AGBL4: variants seen among roughly 807,000 people sequenced by gnomAD.
AGBL4 encodes AGBL carboxypeptidase 4.
Under a neutral mutation model 66.4 loss-of-function variants are expected in AGBL4, and 58 were observed. That is an observed-to-expected ratio of 0.87 (90% CI 0.71 to 1.09). AGBL4 has a LOEUF of 1.09. AGBL4 is among the 50% of genes least tolerant of loss of function. The probability of loss-of-function intolerance (pLI) is 0.00; values close to 1 mark genes in which losing one functional copy is unlikely to be tolerated. For missense variants in AGBL4, 579 were observed against 631.0 expected (o/e 0.92, Z 0.88); for synonymous variants, 234 against 222.9 (o/e 1.05, Z -0.44).
Position 49,697,393 on chromosome 1 carries a change from G to C in AGBL4, c.202C>G (p.Leu68Val), listed in dbSNP as rs1308995411. 3.9e-6 allele frequency: 6 copies of C among 1,540,988 alleles called. No individual in the cohort carries two copies. The highest frequency in any genetic ancestry group is 5.3e-6 in the Non-Finnish European group (6 of 1,138,606). Residue 68 changes from leucine (L) to valine (V), a missense_variant, in exon 3 of 14, where the codon CTG becomes GTG. Physicochemically the swap from Leu to Val is conservative, Grantham distance 32 (BLOSUM62 1). Transcript: ENST00000371839. ...VDQVSEFEYD[L>V]FIRPDTCNPR... ...TTACAGGTGTCCGGCCTAATGAACAGATCATACTCAAACTCAGAGACCTGG... is the reference window on the plus strand; with the variant it reads ...TTACAGGTGTCCGGCCTAATGAACACATCATACTCAAACTCAGAGACCTGG...
intron 4 of AGBL4, among the ~76,000 whole-genome samples, chr1:49,199,440 C>T (rs1221114715): frequency 6.6e-6 from 1 of 152,158 alleles, no homozygotes; most frequent in Non-Finnish European, 1.5e-5. Flanking sequence ...AAAGGGGCAT[C>T]AGAAATTATT....
At chr1:49,739,116 G>T (rs1179824863) in intron 2 of AGBL4, among the ~76,000 whole-genome samples, 2 of 152,178 alleles carry the variant, frequency 1.3e-5, no homozygotes, top group Non-Finnish European at 2.9e-5. Flanking sequence ...TGAGCTAAAG[G>T]AGGAAGTTCA....
chr1:49,159,295 A>C (rs1482885378), intron 4 of AGBL4, among the ~76,000 whole-genome samples: 1 of 152,018 alleles, frequency 6.6e-6, no homozygotes, highest in African/African-American at 2.4e-5. Flanking sequence ...TTGTCTGTAA[A>C]GGATTTTATT....
intron 2 of AGBL4, among the ~76,000 whole-genome samples, chr1:49,734,152 G>A (rs1458124229): frequency 6.6e-6 from 1 of 151,922 alleles, no homozygotes; most frequent in Admixed American, 6.6e-5. Flanking sequence ...TGTATATGTG[G>A]GCTACAGCTA....
chr1:49,954,984 C>G (rs1656472748), intron 1 of AGBL4, among the ~76,000 whole-genome samples: 1 of 151,704 alleles, frequency 6.6e-6, no homozygotes, highest in South Asian at 2.1e-4. Flanking sequence ...AAATGAGACC[C>G]AATTCTCATC....
At chr1:49,497,416 G>C in intron 3 of AGBL4, among the ~76,000 whole-genome samples, 1 of 151,620 alleles carries the variant, frequency 6.6e-6, no homozygotes, top group East Asian at 1.9e-4. Flanking sequence ...TGTGTTTTGG[G>C]GTCATATCCA....
intron 9 of AGBL4, among the ~76,000 whole-genome samples, chr1:48,597,356 G>T (rs1645008479): frequency 6.6e-6 from 1 of 152,140 alleles, no homozygotes; most frequent in Non-Finnish European, 1.5e-5. Flanking sequence ...TAACACCCAG[G>T]TGGGGTTTAC....
intron 3 of AGBL4, among the ~76,000 whole-genome samples, chr1:49,276,862 A>G (rs1644178430): frequency 6.6e-6 from 1 of 152,142 alleles, no homozygotes; most frequent in Non-Finnish European, 1.5e-5. Context: ...ATTTTTCCCC[A>G]TGTGCACATT....
At chr1:49,440,683 T>C (rs1646008111) in intron 3 of AGBL4, among the ~76,000 whole-genome samples, 1 of 152,100 alleles carries the variant, frequency 6.6e-6, no homozygotes, top group African/African-American at 2.4e-5. Flanking sequence ...TCTTATATCC[T>C]CTAGAGAAAG....
intron 3 of AGBL4, among the ~76,000 whole-genome samples, chr1:49,283,261 A>G (rs1158096931): frequency 1.3e-5 from 2 of 152,178 alleles, no homozygotes. Flanking sequence ...GCAGGGGCAC[A>G]CTGACACCTC....
rs115521145 is a variant in AGBL4 at position 48,952,418 on chromosome 1, T to C, written c.595-85188A>G. ...CAGATATGAAGGAAATAAATCAGAA[T>C]GATATGATAGTAAGTAGAATGAATT... On this transcript the variant is annotated intron_variant, in intron 5 of 13. Coordinates refer to ENST00000371839, the MANE Select transcript of AGBL4 (RefSeq NM_032785.4). 8.0e-3 allele frequency among the ~76,000 whole-genome samples: 1,223 copies of C among 152,176 alleles called. 8 individuals carry two copies. Among genetic ancestry groups the C allele is most frequent in the African/African-American group, 0.028 (1,148 of 41,512 alleles).
chr1:50,000,951 G>A (rs1158788351), intron 1 of AGBL4, among the ~76,000 whole-genome samples: 1 of 151,786 alleles, frequency 6.6e-6, no homozygotes, highest in Non-Finnish European at 1.5e-5. Context: ...TACACATTGG[G>A]TACAGAGTAT....
chr1:48,824,615 CTGG>C (rs1229804875), intron 6 of AGBL4, among the ~76,000 whole-genome samples: 2 of 152,106 alleles, frequency 1.3e-5, no homozygotes, highest in Non-Finnish European at 2.9e-5. Flanking sequence ...AATCTACTTG[CTGG>C]AGTAGCATGC....
intron 6 of AGBL4, chr1:48,742,612 T>A: frequency 8.4e-6 from 13 of 1,540,356 alleles, no homozygotes; most frequent in Non-Finnish European, 1.1e-5. Flanking sequence ...ATATTGAGCT[T>A]AAAACACTAC....
intron 4 of AGBL4, among the ~76,000 whole-genome samples, chr1:49,183,615 C>T (rs1646966682): frequency 6.6e-6 from 1 of 152,162 alleles, no homozygotes; most frequent in African/African-American, 2.4e-5. Flanking sequence ...ATACTTTAAG[C>T]TTTCCTATCC....
At chr1:49,446,062 G>A (rs900052278) in intron 3 of AGBL4, among the ~76,000 whole-genome samples, 3 of 152,076 alleles carry the variant, frequency 2.0e-5, no homozygotes, top group Admixed American at 2.0e-4. Context: ...TTGTTGGCCA[G>A]GCTGGTCTTA....
chr1:49,929,237 T>A (rs572202287), intron 1 of AGBL4, among the ~76,000 whole-genome samples: 16 of 152,144 alleles, frequency 1.1e-4, no homozygotes, highest in Non-Finnish European at 2.2e-4. Context: ...ACAGGTTCAA[T>A]TGTACTCCAA....
At chr1:48,622,633 A>C (rs1213863502) in intron 9 of AGBL4, among the ~76,000 whole-genome samples, 2 of 151,658 alleles carry the variant, frequency 1.3e-5, no homozygotes, top group Non-Finnish European at 2.9e-5. Flanking sequence ...ACAGGCACCC[A>C]CCACCATGCC....
At chr1:48,904,324 T>C (rs1322971351) in intron 5 of AGBL4, among the ~76,000 whole-genome samples, 4 of 152,148 alleles carry the variant, frequency 2.6e-5, no homozygotes, top group Non-Finnish European at 5.9e-5. Flanking sequence ...CTTGGCTAAT[T>C]AGTTAACTTA....
Sources: allele counts gnomAD v4.1 joint callset (sites outside exome capture counted in the v4.1 genomes callset), GRCh38; gene constraint gnomAD v4.1.1; transcripts MANE v1.5; gene names NCBI Gene and HGNC (gene_info 2026-07-23, HGNC 2026-07-21).